Variants in NUP210L observed in about 807,000 individuals in gnomAD.
NUP210L encodes the protein nucleoporin 210 like.
NUP210L carries 74 observed loss-of-function variants against 208.5 expected under a neutral mutation model. The ratio of observed to expected loss-of-function variants is 0.35; its 90% CI spans 0.29 to 0.43. NUP210L has a LOEUF of 0.43. Among genes scored for constraint, NUP210L ranks in the 20% least tolerant of loss-of-function variants. NUP210L has a pLI of 1.00. For synonymous variants in NUP210L, 780 were observed against 816.9 expected (o/e 0.95, Z 0.77); for missense variants, 1,843 against 2,289.4 (o/e 0.81, Z 3.98).
rs564965572 is a variant in NUP210L, at chr1:154,135,717, G to A, written c.1009+97C>T. 1.0e-4 allele frequency: 118 copies of A among 1,154,410 alleles called. 1 individual carries two copies. The highest frequency in any genetic ancestry group is 7.0e-4 in the African/African-American group (46 of 65,498). 71.5% of individuals were successfully genotyped at this position (1,154,410 alleles called of 1,614,324 possible). On this transcript the variant is annotated intron_variant, in intron 7 of 39. Coordinates refer to ENST00000368559, the Ensembl canonical transcript of NUP210L. ...ATTACAGGCGTGAGCCACCGCGCCCGGCCATAATCATTCTTAATAAATTAT... is the reference window on the plus strand; with the variant it reads ...ATTACAGGCGTGAGCCACCGCGCCCAGCCATAATCATTCTTAATAAATTAT...
At chr1:154,039,418 G>T (rs1652736852) in intron 27 of NUP210L, among the ~76,000 whole-genome samples, 1 of 151,872 alleles carries the variant, frequency 6.6e-6, no homozygotes, top group Non-Finnish European at 1.5e-5. Flanking sequence ...AGTTTTAGTA[G>T]AGACGGGGGG....
At chr1:154,049,792 G>T (rs1407328028) in intron 25 of NUP210L, among the ~76,000 whole-genome samples, 1 of 152,178 alleles carries the variant, frequency 6.6e-6, no homozygotes, top group Non-Finnish European at 1.5e-5. Flanking sequence ...TAATGTCATA[G>T]ATTTAAAAGA....
At chr1:154,119,390 C>T (rs1248708705) in intron 10 of NUP210L, among the ~76,000 whole-genome samples, 2 of 152,014 alleles carry the variant, frequency 1.3e-5, no homozygotes, top group Non-Finnish European at 2.9e-5. Flanking sequence ...GAGTTCAAAA[C>T]CAGCCTGGCC....
chr1:154,068,018 G>A (rs1654504193), intron 17 of NUP210L, among the ~76,000 whole-genome samples: 1 of 152,148 alleles, frequency 6.6e-6, no homozygotes, highest in Non-Finnish European at 1.5e-5. Context: ...TGGCCATAGT[G>A]CCCAAGGTAA....
At chr1:154,121,711 A>G (rs1360189551) in intron 10 of NUP210L, among the ~76,000 whole-genome samples, 1 of 152,056 alleles carries the variant, frequency 6.6e-6, no homozygotes, top group East Asian at 1.9e-4. Flanking sequence ...TACTAAAAAT[A>G]CAAAAATTAG....
exon 12 of NUP210L, chr1:154,117,800 A>C: frequency 1.2e-6 from 2 of 1,613,192 alleles, no homozygotes; most frequent in South Asian, 1.1e-5. Flanking sequence ...CCTGACCTGC[A>C]GTCACCACTC....
intron 12 of NUP210L, among the ~76,000 whole-genome samples, chr1:154,106,815 G>C (rs6427457): frequency 7.9e-5 from 12 of 152,096 alleles, no homozygotes. Flanking sequence ...TTGGGGTGCC[G>C]CCCAACGCAG....
At chr1:154,145,541 CTTCCT>C (rs1558009128) in intron 2 of NUP210L, among the ~76,000 whole-genome samples, 1 of 152,078 alleles carries the variant, frequency 6.6e-6, no homozygotes, top group Non-Finnish European at 1.5e-5. Context: ...AAATGGCATG[CTTCCT>C]TTCAACAGAA....
intron 35 of NUP210L, among the ~76,000 whole-genome samples, chr1:154,004,854 C>CT (rs34638973): frequency 0.31 from 35,433 of 114,166 alleles, 6,615 homozygotes; most frequent in South Asian, 0.49. Context: ...TTCTTTCTTT[C>CT]TTTTTTTTTT....
At chr1:154,027,659 A>G in intron 28 of NUP210L, 62 bp from the exon 29 acceptor site, 1 of 1,048,178 alleles carries the variant, frequency 9.5e-7, no homozygotes, top group Non-Finnish European at 1.5e-6. Context: ...TTACTTACAT[A>G]TAGACTTCAG....
chr1:154,011,223 AT>A (rs752847076), intron 34 of NUP210L, among the ~76,000 whole-genome samples: 419 of 139,068 alleles, frequency 3.0e-3, no homozygotes, highest in Middle Eastern at 7.4e-3. Flanking sequence ...CGGTGGCTAG[AT>A]TTTTTTTTTT....
At chr1:154,145,188 C>A (rs955083926) in intron 2 of NUP210L, among the ~76,000 whole-genome samples, 1 of 151,498 alleles carries the variant, frequency 6.6e-6, no homozygotes, top group Non-Finnish European at 1.5e-5. Context: ...GAGGCCAAGG[C>A]GGTCAGACTG....
chr1:154,154,373 C>T (rs1659579311), intron 1 of NUP210L, among the ~76,000 whole-genome samples: 1 of 152,196 alleles, frequency 6.6e-6, no homozygotes, highest in Admixed American at 6.5e-5. Context: ...GTCCTTCTCA[C>T]ATTGAATAGC....
At chr1:154,131,421 C>G (rs189430227) in intron 7 of NUP210L, among the ~76,000 whole-genome samples, 50 of 152,242 alleles carry the variant, frequency 3.3e-4, no homozygotes, top group Admixed American at 5.9e-4. Context: ...AAGATCTAAG[C>G]CTTCCATCTG....
At chr1:154,088,614 A>G (rs1313917454) in intron 16 of NUP210L, among the ~76,000 whole-genome samples, 2 of 152,206 alleles carry the variant, frequency 1.3e-5, no homozygotes, top group Non-Finnish European at 2.9e-5. Flanking sequence ...ATGGGTTCAC[A>G]ACCTGTAACA....
chr1:154,023,273 C>G (rs375798103), exon 31 of NUP210L: 1 of 1,611,028 alleles, frequency 6.2e-7, no homozygotes, highest in African/African-American at 1.3e-5. Flanking sequence ...TGGCTGCTCA[C>G]TCGCAGGTAT....
rs961655805 is a variant in NUP210L, at chr1:154,106,995, C to T, written c.1621-2785G>A. On this transcript the variant is annotated intron_variant, in intron 12 of 39. Coordinates refer to ENST00000368559, the Ensembl canonical transcript of NUP210L. ...CAATGAACATCCACAAAGATCAAGACCATACAGGAAAACATGGCCTAAATA... is the reference window on the plus strand; with the variant it reads ...CAATGAACATCCACAAAGATCAAGATCATACAGGAAAACATGGCCTAAATA... Among the ~76,000 whole-genome samples the T allele has an allele frequency of 3.3e-5, 5 of 152,092 alleles. No homozygotes were observed. The South Asian group carries it at 1.0e-3, about 32-fold the overall frequency.
chr1:154,113,324 G>A (rs994674261), intron 12 of NUP210L, among the ~76,000 whole-genome samples: 2 of 148,986 alleles, frequency 1.3e-5, no homozygotes, highest in Non-Finnish European at 3.0e-5. Context: ...TTTTATATAC[G>A]CACACACACA....
chr1:154,121,530 A>T (rs544254161), intron 10 of NUP210L, among the ~76,000 whole-genome samples: 35 of 152,312 alleles, frequency 2.3e-4, no homozygotes, highest in African/African-American at 8.2e-4. Context: ...AAAAAAGAAG[A>T]AAGATATAAC....
Sources: allele counts gnomAD v4.1 joint callset (sites outside exome capture counted in the v4.1 genomes callset), GRCh38; gene constraint gnomAD v4.1.1; transcripts MANE v1.5; gene names NCBI Gene and HGNC (gene_info 2026-07-23, HGNC 2026-07-21).